The following CPA6 variants were observed in gnomAD, a reference collection of about 807,000 sequenced individuals.
CPA6 encodes carboxypeptidase A6.
CPA6 carries 58 observed loss-of-function variants against 63.3 expected under a neutral mutation model. That is an observed-to-expected ratio of 0.92 (90% CI 0.74 to 1.14). The LOEUF (loss-of-function observed/expected upper bound fraction) is 1.14, where lower values mean the gene tolerates loss of function less well. Ranked by LOEUF, CPA6 falls within the 50% of genes most tolerant of loss-of-function variation. The probability of loss-of-function intolerance (pLI) is 0.00; values close to 1 mark genes in which losing one functional copy is unlikely to be tolerated. For synonymous variants in CPA6, 185 were observed against 179.0 expected, an observed-to-expected ratio of 1.03 and a Z score of -0.27; for missense variants, 565 against 526.6, an observed-to-expected ratio of 1.07 and a Z score of -0.71.
chr8:67,713,244 T>C (rs558614073), intron 1 of CPA6, among the ~76,000 whole-genome samples: 1 of 150,846 alleles, frequency 6.6e-6, no homozygotes. Context: ...TCTATTATAA[T>C]GATCAGGATT....
chr8:67,712,827 G>A (rs1817290326), intron 1 of CPA6, among the ~76,000 whole-genome samples: 1 of 151,680 alleles, frequency 6.6e-6, no homozygotes, highest in African/African-American at 2.4e-5. Context: ...CACATGTGAT[G>A]TGAATCATCC....
chr8:67,613,351 C>T (rs948835260), intron 2 of CPA6, among the ~76,000 whole-genome samples: 9 of 152,190 alleles, frequency 5.9e-5, no homozygotes, highest in Non-Finnish European at 1.3e-4. Context: ...TGCTCATTCA[C>T]TCAAGCAATA....
intron 2 of CPA6, among the ~76,000 whole-genome samples, chr8:67,535,791 C>T (rs1327279901): frequency 6.6e-6 from 1 of 152,166 alleles, no homozygotes; most frequent in African/African-American, 2.4e-5. Context: ...ACGCCTATGT[C>T]CTGAATGGTA....
intron 2 of CPA6, among the ~76,000 whole-genome samples, chr8:67,587,167 C>T (rs1250594854): frequency 6.6e-6 from 1 of 152,138 alleles, no homozygotes; most frequent in East Asian, 1.9e-4. Flanking sequence ...GTAAAGGGGG[C>T]CTTGAAATAT....
chr8:67,598,717 T>TA (rs1217245359), intron 2 of CPA6, among the ~76,000 whole-genome samples: 1 of 152,176 alleles, frequency 6.6e-6, no homozygotes, highest in Non-Finnish European at 1.5e-5. Flanking sequence ...ATTTTGCACT[T>TA]AAAAAAGCAA....
intron 1 of CPA6, among the ~76,000 whole-genome samples, chr8:67,633,558 G>A (rs1187551856): frequency 6.6e-6 from 1 of 151,974 alleles, no homozygotes; most frequent in Non-Finnish European, 1.5e-5. Flanking sequence ...GCGGGCGCCT[G>A]TAGTCCCAGC....
At chr8:67,442,554 T>C (rs942166378) in intron 8 of CPA6, among the ~76,000 whole-genome samples, 1 of 152,078 alleles carries the variant, frequency 6.6e-6, no homozygotes, top group African/African-American at 2.4e-5. Context: ...TCAACAAAAG[T>C]ATAAAGGCAA....
chr8:67,504,407 T>C (rs770870931), intron 6 of CPA6, among the ~76,000 whole-genome samples: 2 of 152,220 alleles, frequency 1.3e-5, no homozygotes, highest in Non-Finnish European at 2.9e-5. Context: ...GAAGAAAATA[T>C]GGCAAAAGTG....
At chr8:67,465,038 C>T (rs948332035) in intron 8 of CPA6, among the ~76,000 whole-genome samples, 4 of 152,120 alleles carry the variant, frequency 2.6e-5, no homozygotes, top group Admixed American at 6.5e-5. Context: ...TTTTCTAAAT[C>T]TGTGAAAAAT....
chr8:67,488,746 T>A lies in CPA6; in HGVS notation c.637-3957A>T, dbSNP rs1587484751. ...TATTTCGTTGAGCGGTGGTTTGTAGTTCTCCTTGAAGAGGTCCTTCACATC... is the reference window on the plus strand; with the variant it reads ...TATTTCGTTGAGCGGTGGTTTGTAGATCTCCTTGAAGAGGTCCTTCACATC... On this transcript the variant is annotated intron_variant, in intron 6 of 10. Transcript: ENST00000297770. Among the ~76,000 whole-genome samples the A allele has an allele frequency of 3.3e-5, 5 of 152,368 alleles. No homozygotes were observed. The East Asian group carries it at 9.6e-4, about 29-fold the overall frequency.
At chr8:67,447,385 C>A (rs545136835) in intron 8 of CPA6, among the ~76,000 whole-genome samples, 1 of 152,086 alleles carries the variant, frequency 6.6e-6, no homozygotes, top group East Asian at 1.9e-4. Context: ...TGACTACTGA[C>A]CTGAAAGAAA....
intron 1 of CPA6, among the ~76,000 whole-genome samples, chr8:67,726,078 G>A (rs1219389337): frequency 6.6e-6 from 1 of 151,996 alleles, no homozygotes; most frequent in African/African-American, 2.4e-5. Context: ...CTTTAATCAA[G>A]GTTTTAGAAC....
At chr8:67,682,757 G>T (rs1435075593) in intron 1 of CPA6, among the ~76,000 whole-genome samples, 2 of 152,178 alleles carry the variant, frequency 1.3e-5, no homozygotes, top group Non-Finnish European at 2.9e-5. Context: ...TCCATAGAAG[G>T]TAGATCCTTC....
At chr8:67,479,256 C>A (rs1385046223) in intron 8 of CPA6, among the ~76,000 whole-genome samples, 3 of 152,184 alleles carry the variant, frequency 2.0e-5, no homozygotes, top group Admixed American at 6.5e-5. Flanking sequence ...GGTTTGTCAA[C>A]ACACCTGGAC....
chr8:67,624,999 C>T (rs147939278), intron 1 of CPA6, among the ~76,000 whole-genome samples: 22 of 152,146 alleles, frequency 1.4e-4, no homozygotes, highest in African/African-American at 4.8e-4. Flanking sequence ...GATGGGAGCT[C>T]AGTCTCAAAT....
chr8:67,599,092 TGAA>T (rs1263641222), intron 2 of CPA6, among the ~76,000 whole-genome samples: 4 of 152,222 alleles, frequency 2.6e-5, no homozygotes, highest in African/African-American at 9.6e-5. Context: ...CATTATGGAA[TGAA>T]TGACATGATG....
intron 2 of CPA6, among the ~76,000 whole-genome samples, chr8:67,555,562 C>T (rs947119772): frequency 6.6e-6 from 1 of 152,134 alleles, no homozygotes; most frequent in African/African-American, 2.4e-5. Flanking sequence ...AGGTAAAGCA[C>T]TTTCCTGAGT....
chr8:67,471,705 T>A (rs544216679), intron 8 of CPA6, among the ~76,000 whole-genome samples: 22 of 152,324 alleles, frequency 1.4e-4, no homozygotes, highest in Middle Eastern at 6.8e-3. Context: ...AAAAAGAATA[T>A]CATCATTTAC....
At chr8:67,593,468 T>C (rs373481251) in intron 2 of CPA6, among the ~76,000 whole-genome samples, 2 of 152,200 alleles carry the variant, frequency 1.3e-5, no homozygotes, top group South Asian at 4.2e-4. Flanking sequence ...TTGATCTGTC[T>C]AATGTTGACA....
Sources: allele counts gnomAD v4.1 joint callset (sites outside exome capture counted in the v4.1 genomes callset), GRCh38; gene constraint gnomAD v4.1.1; transcripts MANE v1.5; gene names NCBI Gene and HGNC (gene_info 2026-07-23, HGNC 2026-07-21).